Variants in ZNF275 observed in about 807,000 individuals in gnomAD.
The protein encoded by ZNF275 is zinc finger protein 275.
Under a neutral mutation model 4.3 loss-of-function variants are expected in ZNF275, and 4 were observed. The observed-to-expected ratio is 0.93, with a 90% CI of 0.46 to 2.13. The LOEUF (loss-of-function observed/expected upper bound fraction) is 2.13. Ranked by LOEUF, ZNF275 falls within the 30% of genes most tolerant of loss-of-function variation. ZNF275 has a pLI of 0.02. For missense variants in ZNF275, 352 were observed against 397.1 expected (o/e 0.89, Z 0.97); for synonymous variants, 173 against 166.9 (o/e 1.04, Z -0.28).
chrX:153,348,492 CAT>C lies in ZNF275; in HGVS notation c.*520_*521del, dbSNP rs782681400. ...AGTTATACATACATACTGTAAATCA[CAT>C]ATTATATAAAATAATATATTAATTT... On this transcript the variant is annotated 3_prime_UTR_variant, in exon 4 of 4. Coordinates refer to ENST00000650114, the MANE Select transcript of ZNF275 (RefSeq NM_001367757.1). 3.3e-4 allele frequency: 41 copies of C among 122,999 alleles called. No individual in the cohort carries two copies. Among genetic ancestry groups the C allele is most frequent in the African/African-American group, 1.2e-3 (38 of 30,751 alleles). 10.1% of individuals were successfully genotyped at this position (122,999 alleles called of 1,213,427 possible).
At chrX:153,344,089 G>A in intron 2 of ZNF275, 1 of 329,744 alleles carries the variant, frequency 3.0e-6, no homozygotes, top group Non-Finnish European at 5.9e-6. Context: ...GGACAGGGCT[G>A]TCGTCACTCA....
intron 2 of ZNF275, among the ~76,000 whole-genome samples, chrX:153,342,766 C>G (rs1205609020): frequency 1.8e-5 from 2 of 112,272 alleles, no homozygotes; most frequent in Admixed American, 9.4e-5. Flanking sequence ...TTTTCCTGGG[C>G]TTTTGGAGTT....
chrX:153,345,466 A>C, intron 2 of ZNF275, 54 bp from the exon 3 acceptor site: 1 of 1,003,667 alleles, frequency 1.0e-6, no homozygotes, highest in Non-Finnish European at 1.4e-6. Context: ...TTCCTCCACT[A>C]TTCTCATGTC....
At chrX:153,340,250 G>A (rs1556960950) in intron 2 of ZNF275, among the ~76,000 whole-genome samples, 2 of 112,385 alleles carry the variant, frequency 1.8e-5, no homozygotes, top group African/African-American at 6.5e-5. Flanking sequence ...GAATGGGGCT[G>A]CCTTGGACTC....
intron 2 of ZNF275, among the ~76,000 whole-genome samples, chrX:153,339,288 A>G (rs1434650507): frequency 1.8e-5 from 2 of 111,420 alleles, no homozygotes; most frequent in Admixed American, 9.5e-5. Context: ...AAGCAATTTC[A>G]TTGGATAGTT....
intron 2 of ZNF275, chrX:153,345,056 GC>G (rs1463666084): frequency 5.0e-6 from 1 of 201,262 alleles, no homozygotes; most frequent in Admixed American, 6.3e-5. Context: ...AAATTGCATG[GC>G]CATTTGGTTT....
intron 2 of ZNF275, among the ~76,000 whole-genome samples, chrX:153,337,500 GT>G (rs1376287240): frequency 8.9e-6 from 1 of 112,142 alleles, no homozygotes; most frequent in Non-Finnish European, 1.9e-5. Context: ...GACTCTTAGT[GT>G]TTTCTGTTTC....
At chrX:153,342,822 G>A (rs1369683451) in intron 2 of ZNF275, among the ~76,000 whole-genome samples, 1 of 112,485 alleles carries the variant, frequency 8.9e-6, no homozygotes, top group Non-Finnish European at 1.9e-5. Flanking sequence ...AGACTCAAGG[G>A]GAGGCTTATA....
Position 153,348,089 on chromosome X carries a change from C to A in ZNF275, c.*114C>A. On this transcript the variant is annotated 3_prime_UTR_variant, in exon 4 of 4. Coordinates refer to ENST00000650114, the MANE Select transcript of ZNF275 (RefSeq NM_001367757.1). Reference sequence around the variant, plus strand: ...TATTTTGTCTTCCAAAAGGTTGAGACCGATTTATACTGCCACCAGCAATTT... The same window carrying A: ...TATTTTGTCTTCCAAAAGGTTGAGAACGATTTATACTGCCACCAGCAATTT... The A allele has an allele frequency of 1.4e-6, 1 of 733,672 alleles. No individual in the cohort carries two copies. Among genetic ancestry groups the A allele is most frequent in the Non-Finnish European group, 1.9e-6 (1 of 538,461 alleles). 60.5% of individuals were successfully genotyped at this position (733,672 alleles called of 1,213,427 possible). A position where few individuals can be genotyped will look rare whatever the true frequency, so the allele number is the denominator to read the frequency against.
chrX:153,346,586 T>C (rs1345393365), intron 3 of ZNF275, among the ~76,000 whole-genome samples: 3 of 112,549 alleles, frequency 2.7e-5, no homozygotes, highest in Non-Finnish European at 5.6e-5. Flanking sequence ...TGGGGACGTG[T>C]GTGGCTGCTC....
intron 2 of ZNF275, 47 bp from the exon 3 acceptor site, chrX:153,345,473 T>C: frequency 9.5e-7 from 1 of 1,057,328 alleles, no homozygotes; most frequent in Non-Finnish European, 1.3e-6. Flanking sequence ...ACTATTCTCA[T>C]GTCATCTCTG....
rs376645099 is a variant in ZNF275, at chrX:153,347,030, G to A, written c.345G>A (p.Leu115=). ...ECGDTFRLKV[L]LVQHQRVHSE... ...GGGACACCTTTCGGCTTAAAGTCCT[G>A]CTTGTCCAGCACCAGAGAGTCCACA... The change falls in exon 4 of 4, where the codon CTG becomes CTA. Residue 115 remains leucine, a synonymous_variant. Coordinates refer to ENST00000650114, the MANE Select transcript of ZNF275 (RefSeq NM_001367757.1). The A allele has an allele frequency of 3.3e-4, 395 of 1,209,575 alleles. 3 individuals are homozygous for A. In the African/African-American group the frequency reaches 6.4e-3, roughly 20 times the overall value.
Position 153,347,964 on chromosome X carries a change from C to A in ZNF275, c.1279C>A (p.His427Asn), listed in dbSNP as rs2088532109. 8.9e-7 allele frequency: 1 copy of A among 1,120,911 alleles called. No individual in the cohort carries two copies. The highest frequency in any genetic ancestry group is 2.2e-5 in the South Asian group (1 of 45,162). 92.4% of individuals were successfully genotyped at this position (1,120,911 alleles called of 1,213,427 possible). Reference protein sequence around the residue: ...RSALQKHQPTHHE With the variant: ...RSALQKHQPTNHE ...GGCACTGCAGAAGCATCAGCCAACC[C>A]ACCACGAGTAGAAACGCCCTGTGGT... Residue 427 changes from histidine (H) to asparagine (N), a missense_variant, in exon 4 of 4, where the codon CAC (histidine) becomes AAC (asparagine). His to Asn is a moderately conservative substitution (Grantham distance 68, BLOSUM62 1). Transcript: ENST00000650114.
intron 2 of ZNF275, among the ~76,000 whole-genome samples, chrX:153,342,576 C>A (rs782807698): frequency 1.2e-4 from 13 of 111,835 alleles, no homozygotes; most frequent in Non-Finnish European, 2.3e-4. Context: ...TTCTTTGAGA[C>A]AGGTCTTTTG....
Position 153,347,593 on chromosome X carries a change from G to A in ZNF275, c.908G>A (p.Arg303Gln). Residue 303 changes from arginine (R) to glutamine (Q), a missense_variant, in exon 4 of 4, where the codon CGA (arginine) becomes CAA (glutamine). Transcript: ENST00000650114. ...TGTCCCCACTGCGGCAAGCTCTTCC[G>A]AAGGAGCTCGGAGCTCACCAAGCAC... is the stretch of plus-strand genomic sequence containing the variant. ...YGCPHCGKLF[R>Q]RSSELTKHRR... 8.4e-7 allele frequency: 1 copy of A among 1,195,158 alleles called. No individual in the cohort carries two copies. Among genetic ancestry groups the A allele is most frequent in the Non-Finnish European group, 1.1e-6 (1 of 888,216 alleles).
intron 2 of ZNF275, chrX:153,345,107 G>A (rs1243668027): frequency 2.0e-5 from 4 of 199,706 alleles, no homozygotes; most frequent in African/African-American, 1.2e-4. Flanking sequence ...TCAAGATCTT[G>A]TTCACCCATT....
In ZNF275 at chrX:153,347,656, G is replaced by A; in HGVS notation, c.971G>A (p.Gly324Asp). ...IHTGEKPYAC[G>D]QCGKAFRQSS... ...ACGGGCGAGAAGCCCTACGCCTGCG[G>A]CCAGTGCGGCAAGGCCTTCCGCCAG... Residue 324 changes from glycine to aspartate, a missense_variant, in exon 4 of 4, where the codon GGC becomes GAC. By Grantham distance (94) the Gly-to-Asp change is moderately conservative. Transcript: ENST00000650114. 1 of 1,205,387 alleles carries A rather than the reference G, an allele frequency of 8.3e-7. No individual in the cohort carries two copies. Among genetic ancestry groups the A allele is most frequent in the African/African-American group, 1.7e-5 (1 of 57,718 alleles).
chrX:153,346,090 G>A (rs1556961522), intron 3 of ZNF275, among the ~76,000 whole-genome samples: 1 of 108,770 alleles, frequency 9.2e-6, no homozygotes, highest in Non-Finnish European at 1.9e-5. Flanking sequence ...AGGATTGAGA[G>A]GATCAGCTGG....
intron 3 of ZNF275, 23 bp from the exon 4 acceptor site, chrX:153,346,796 C>A (rs782173313): frequency 8.6e-7 from 1 of 1,168,559 alleles, no homozygotes; most frequent in East Asian, 3.0e-5. Context: ...GCAGACTACA[C>A]TGCCTTGTGT....
Sources: allele counts gnomAD v4.1 joint callset (sites outside exome capture counted in the v4.1 genomes callset), GRCh38; gene constraint gnomAD v4.1.1; transcripts MANE v1.5; gene names NCBI Gene and HGNC (gene_info 2026-07-23, HGNC 2026-07-21).